The following NF1 variants were observed in gnomAD, a reference collection of about 807,000 sequenced individuals.
NF1 encodes neurofibromin 1, also known as neurofibromin.
In NF1, 122 loss-of-function variants were observed where a neutral mutation model predicts 325.7. That is an observed-to-expected ratio of 0.37 (90% confidence interval 0.32 to 0.44). The LOEUF is 0.44. Ranked by LOEUF, NF1 falls within the 20% of genes least tolerant of loss-of-function variation. The pLI is 1.00. For missense variants in NF1, 2,140 were observed against 3,415.4 expected (o/e 0.63, Z 9.31); for synonymous variants, 1,091 against 1,186.0 (o/e 0.92, Z 1.65).
rs770295902 is a variant in NF1, at chr17:31,229,300, G to A, written c.2685G>A (p.Met895Ile). The A allele has an allele frequency of 3.0e-5, 49 of 1,613,796 alleles. 1 individual carries two copies. In the South Asian group the frequency reaches 5.4e-4, roughly 18 times the overall value. The part of the protein sequence containing the change: ...GNADTPVSKF[M>I]DRLLSLMVCN... ...CAGATACACCTGTCAGCAAATTTAT[G>A]GATCGGCTGTTGTCCTTAATGGTGT... The change falls in exon 21 of 58, where the codon ATG (methionine) becomes ATA (isoleucine). Residue 895 changes from methionine (M) to isoleucine (I), a missense_variant. Coordinates refer to ENST00000358273, the MANE Select transcript of NF1 (RefSeq NM_001042492.3).
Position 31,185,138 on chromosome 17 carries a change from C to T in NF1, c.888+2473C>T, listed in dbSNP as rs555705671. Among the ~76,000 whole-genome samples the T allele has an allele frequency of 2.4e-4, 37 of 152,260 alleles. No individual in the cohort carries two copies. In the South Asian group the frequency reaches 4.1e-3, roughly 17 times the overall value. On this transcript the variant is annotated intron_variant, in intron 8 of 57. Coordinates refer to ENST00000358273, the MANE Select transcript of NF1 (RefSeq NM_001042492.3). Reference sequence around the variant, plus strand: ...GCCTGAGGCAACAGGAATGGCCTCCCCTGAGGCAGTTGCCAGGCAAGATAA... The same window carrying T: ...GCCTGAGGCAACAGGAATGGCCTCCTCTGAGGCAGTTGCCAGGCAAGATAA...
chr17:31,104,155 T>C (rs1368052165), intron 1 of NF1, among the ~76,000 whole-genome samples: 1 of 152,202 alleles, frequency 6.6e-6, no homozygotes, highest in African/African-American at 2.4e-5. Flanking sequence ...ATGCCTTATT[T>C]TTTACATCTT....
chr17:31,201,069 A>T lies in NF1; in HGVS notation c.1095A>T (p.Ser365=), dbSNP rs150814769. The T allele has an allele frequency of 6.2e-7, 1 of 1,614,052 alleles. No individual in the cohort carries two copies. Among genetic ancestry groups the T allele is most frequent in the Non-Finnish European group, 8.5e-7 (1 of 1,180,002 alleles). ...NLLFNPSKPF[S]RGSQPADVDL... ...TTTTTAATCCAAGTAAGCCATTCTC[A>T]AGAGGCAGTCAGCCTGCAGATGTGG... Residue 365 remains serine (S), a synonymous_variant, in exon 10 of 58, where the codon TCA becomes TCT. Coordinates refer to ENST00000358273, the MANE Select transcript of NF1 (RefSeq NM_001042492.3).
intron 1 of NF1, among the ~76,000 whole-genome samples, chr17:31,102,076 T>A (rs1912390501): frequency 6.6e-6 from 1 of 152,204 alleles, no homozygotes; most frequent in Non-Finnish European, 1.5e-5. Context: ...TACTTCCATG[T>A]TTGCAATAGC....
intron 1 of NF1, among the ~76,000 whole-genome samples, chr17:31,107,506 C>A (rs952791024): frequency 6.6e-6 from 1 of 152,108 alleles, no homozygotes; most frequent in Non-Finnish European, 1.5e-5. Flanking sequence ...CTCAAGCGAT[C>A]TTCCCACTTC....
intron 36 of NF1, chr17:31,294,945 G>T: frequency 6.2e-7 from 1 of 1,602,976 alleles, no homozygotes; most frequent in Non-Finnish European, 8.5e-7. Context: ...GTTAGATATG[G>T]ACATATTTTC....
At chr17:31,295,088 A>G (rs745898291) in intron 36 of NF1, 4 of 1,614,172 alleles carry the variant, frequency 2.5e-6, no homozygotes, top group Non-Finnish European at 3.4e-6. Flanking sequence ...CACAGAAGGT[A>G]ATGGAGTCTT....
chr17:31,142,632 C>T (rs1916302279), intron 1 of NF1, among the ~76,000 whole-genome samples: 1 of 152,112 alleles, frequency 6.6e-6, no homozygotes. Flanking sequence ...CTTTGGGAGG[C>T]CAAGGTGGGC....
intron 13 of NF1, 33 bp from the exon 14 acceptor site, chr17:31,218,972 T>TG (rs768448573): frequency 6.4e-7 from 1 of 1,571,256 alleles, no homozygotes; most frequent in Admixed American, 1.8e-5. Flanking sequence ...TTTATTTATT[T>TG]TTTTAATTGA....
At chr17:31,126,782 A>G (rs1344343843) in intron 1 of NF1, among the ~76,000 whole-genome samples, 1 of 152,000 alleles carries the variant, frequency 6.6e-6, no homozygotes, top group African/African-American at 2.4e-5. Flanking sequence ...ATCTTTTCCA[A>G]TTTATGATTG....
chr17:31,303,184 C>A (rs1342845083), intron 36 of NF1, among the ~76,000 whole-genome samples: 1 of 152,170 alleles, frequency 6.6e-6, no homozygotes, highest in Non-Finnish European at 1.5e-5. Context: ...CCATTTTATT[C>A]TAAGTGCTTG....
In NF1 at chr17:31,258,460, G is replaced by T. The variant is rs373086572; in HGVS notation, c.4290G>T (p.Lys1430Asn). The change falls in exon 32 of 58, where the codon AAG (lysine) becomes AAT (asparagine). Residue 1430 changes from lysine to asparagine, a missense_variant. Around this residue, in one of 10 missense-constraint regions of NF1, gnomAD observed 336 missense variants for 399.0 expected, o/e 0.84. Coordinates refer to ENST00000358273, the MANE Select transcript of NF1 (RefSeq NM_001042492.3). ...ATGAAGCAGGGATTTTAGATAAAAAGCCACCACCTAGAATCGAAAGGGGCT... is the reference window on the plus strand; with the variant it reads ...ATGAAGCAGGGATTTTAGATAAAAATCCACCACCTAGAATCGAAAGGGGCT... ...SPYEAGILDK[K>N]PPPRIERGLK... 6.2e-7 allele frequency: 1 copy of T among 1,613,848 alleles called. No individual in the cohort carries two copies. The highest frequency in any genetic ancestry group is 8.5e-7 in the Non-Finnish European group (1 of 1,179,892).
rs191907668 is a variant in NF1 at position 31,281,167 on chromosome 17, T to C, written c.4835+15828T>C. ...GAGCCAAAGCAGATCGAAAGTCATT[T>C]TGGTAAGAGGCTAGATGCTGACCTT... On this transcript the variant is annotated intron_variant, in intron 36 of 57. Coordinates refer to ENST00000358273, the MANE Select transcript of NF1 (RefSeq NM_001042492.3). Among the ~76,000 whole-genome samples the C allele has an allele frequency of 1.8e-4, 28 of 152,336 alleles. 1 individual carries two copies. In the East Asian group the frequency reaches 5.4e-3, roughly 29 times the overall value.
intron 14 of NF1, among the ~76,000 whole-genome samples, chr17:31,221,225 A>G (rs1186368714): frequency 1.3e-5 from 2 of 151,938 alleles, no homozygotes; most frequent in African/African-American, 4.8e-5. Context: ...ATCTATTTAT[A>G]TGTTATATAT....
intron 30 of NF1, chr17:31,251,497 T>G (rs2067493203): frequency 5.1e-6 from 1 of 194,892 alleles, no homozygotes; most frequent in African/African-American, 2.3e-5. Flanking sequence ...TATAATTAAA[T>G]CATTTTCTCA....
rs1555612295 is a variant in NF1, at chr17:31,214,592, A to T, written c.1527+7A>T. ...TCCAAAGCTCTTGCTTTGTGTAAGT[A>T]TTTTTTTATGAAATGTCTCAAAATT... is the stretch of plus-strand genomic sequence containing the variant. On this transcript the variant is annotated splice_region_variant and intron_variant, in intron 13 of 57. Coordinates refer to ENST00000358273, the MANE Select transcript of NF1 (RefSeq NM_001042492.3). 1.2e-6 allele frequency: 2 copies of T among 1,612,412 alleles called. No homozygotes were observed. Among genetic ancestry groups the T allele is most frequent in the Admixed American group, 1.7e-5 (1 of 59,848 alleles).
intron 36 of NF1, among the ~76,000 whole-genome samples, chr17:31,308,750 T>G (rs191843693): frequency 2.6e-5 from 4 of 152,320 alleles, no homozygotes; most frequent in African/African-American, 9.6e-5. Context: ...CCAAGTTCTC[T>G]GTGACTGACT....
rs577015675 is a variant in NF1 at position 31,260,160 on chromosome 17, C to G, written c.4431-209C>G. Reference sequence around the variant, plus strand: ...TGTTGTTGTTTAACTTCAGAGCCTACTTTGAAGCTGAAGCCGGGTATCAGA... The same window carrying G: ...TGTTGTTGTTTAACTTCAGAGCCTAGTTTGAAGCTGAAGCCGGGTATCAGA... On this transcript the variant is annotated intron_variant, in intron 33 of 57. Transcript: ENST00000358273. Among the ~76,000 whole-genome samples the G allele has an allele frequency of 7.2e-5, 11 of 152,292 alleles. No homozygotes were observed. The South Asian group carries it at 2.3e-3, about 32-fold the overall frequency.
At chr17:31,182,985 TACTTGAGTTCATC>T in intron 8 of NF1, 1 of 567,862 alleles carries the variant, frequency 1.8e-6, no homozygotes. Context: ...AGGATTGCCC[TACTTGAGTTCATC>T]ACTTTTATAG....
Sources: gnomAD v4.1 joint callset for allele counts (sites outside exome capture counted in the v4.1 genomes callset) on GRCh38, gnomAD v4.1.1 for gene constraint, gnomAD v4.1.1 regional missense constraint, MANE v1.5 for transcripts, NCBI Gene and HGNC (gene_info 2026-07-23, HGNC 2026-07-21) for gene names.